KAZN: variants seen among roughly 807,000 people sequenced by gnomAD.
The protein encoded by KAZN is kazrin.
KAZN carries 40 observed loss-of-function variants against 87.4 expected under a neutral mutation model. The ratio of observed to expected loss-of-function variants is 0.46; its 90% CI spans 0.36 to 0.60. KAZN has a LOEUF of 0.60. Among genes scored for constraint, KAZN ranks in the 20% least tolerant of loss-of-function variants. KAZN has a pLI of 0.00. For synonymous variants in KAZN, 466 were observed against 458.3 expected (o/e 1.02, Z -0.22); for missense variants, 898 against 1,073.9 (o/e 0.84, Z 2.29).
At chr1:14,393,074 G>C (rs943381531) in intron 2 of KAZN, among the ~76,000 whole-genome samples, 6 of 152,178 alleles carry the variant, frequency 3.9e-5, no homozygotes, top group Admixed American at 3.9e-4. Context: ...GCTCATTTGT[G>C]CAAACTTGAA....
chr1:14,271,561 T>C (rs887815221), intron 2 of KAZN, among the ~76,000 whole-genome samples: 2 of 152,232 alleles, frequency 1.3e-5, no homozygotes, highest in Non-Finnish European at 2.9e-5. Flanking sequence ...GAAATATAAC[T>C]GTCATCTCTG....
At chr1:14,241,290 C>T (rs1648914692) in intron 2 of KAZN, among the ~76,000 whole-genome samples, 1 of 152,232 alleles carries the variant, frequency 6.6e-6, no homozygotes, top group Non-Finnish European at 1.5e-5. Context: ...TTCCCAGGCT[C>T]TGGCCTCCAC....
chr1:15,040,753 A>G (rs12130444), intron 3 of KAZN, among the ~76,000 whole-genome samples: 92,915 of 150,808 alleles, frequency 0.62, 30,070 homozygotes, highest in African/African-American at 0.83. Context: ...GTGACAGAGC[A>G]AGACTCCATC....
At chr1:15,027,095 T>C (rs1671245740) in intron 2 of KAZN, among the ~76,000 whole-genome samples, 1 of 130,510 alleles carries the variant, frequency 7.7e-6, no homozygotes, top group African/African-American at 3.0e-5. Flanking sequence ...TTTTTTTTTT[T>C]TTTTGAGACA....
At chr1:14,943,476 G>A (rs1263448484) in intron 1 of KAZN, among the ~76,000 whole-genome samples, 1 of 152,194 alleles carries the variant, frequency 6.6e-6, no homozygotes, top group African/African-American at 2.4e-5. Flanking sequence ...TTCCTGGCAA[G>A]GGCTGGTCTC....
intron 1 of KAZN, among the ~76,000 whole-genome samples, chr1:14,894,887 C>T (rs1168180235): frequency 6.6e-6 from 1 of 152,276 alleles, no homozygotes; most frequent in Admixed American, 6.5e-5. Context: ...CTCCTCCCTG[C>T]TCCAGGGAGG....
intron 1 of KAZN, among the ~76,000 whole-genome samples, chr1:14,685,860 G>A (rs1159612695): frequency 1.3e-5 from 2 of 152,206 alleles, no homozygotes; most frequent in Non-Finnish European, 2.9e-5. Flanking sequence ...TATGGCTTCT[G>A]TGTGTGTGCG....
intron 2 of KAZN, among the ~76,000 whole-genome samples, chr1:14,276,081 C>T (rs990555206): frequency 2.1e-4 from 32 of 152,222 alleles, no homozygotes; most frequent in African/African-American, 7.5e-4. Flanking sequence ...CTCCCAGCTG[C>T]TCTTGTCATT....
At chr1:14,979,314 C>T (rs141681792) in intron 2 of KAZN, among the ~76,000 whole-genome samples, 3,053 of 151,874 alleles carry the variant, frequency 0.02, 97 homozygotes, top group African/African-American at 0.07. Flanking sequence ...GAGGCTGAGG[C>T]AGAAGAATTG....
At chr1:14,128,208 A>C (rs539049518) in intron 1 of KAZN, among the ~76,000 whole-genome samples, 118 of 152,198 alleles carry the variant, frequency 7.8e-4, no homozygotes, top group African/African-American at 2.7e-3. Flanking sequence ...GTGGTACTGC[A>C]CCATCTTTGT....
At chr1:14,635,296 C>T (rs906282519) in intron 1 of KAZN, among the ~76,000 whole-genome samples, 2 of 152,232 alleles carry the variant, frequency 1.3e-5, no homozygotes, top group Admixed American at 1.3e-4. Flanking sequence ...GGGTAGGGAA[C>T]TGTCCTGTGC....
At chr1:14,416,499 G>A (rs1664771652) in intron 2 of KAZN, among the ~76,000 whole-genome samples, 1 of 152,134 alleles carries the variant, frequency 6.6e-6, no homozygotes, top group Non-Finnish European at 1.5e-5. Flanking sequence ...CACTTTGATA[G>A]GCCAAGGCAG....
intron 2 of KAZN, among the ~76,000 whole-genome samples, chr1:14,274,335 G>A (rs549785842): frequency 6.6e-6 from 1 of 152,224 alleles, no homozygotes; most frequent in East Asian, 1.9e-4. Context: ...GGCTTCTCTT[G>A]CTGAGTATAA....
Position 14,026,441 on chromosome 1 carries a change from G to A in KAZN, c.91+132685G>A, listed in dbSNP as rs534116213. On this transcript the variant is annotated intron_variant, in intron 1 of 16. Transcript: ENST00000636203. ...GTTCCAGATTCCATCTTAGCCCCAT[G>A]CATGAACAGCTAACTTATTTCACTA... 5.9e-5 allele frequency among the ~76,000 whole-genome samples: 9 copies of A among 152,302 alleles called. No homozygotes were observed. The East Asian group carries it at 1.7e-3, about 29-fold the overall frequency.
chr1:14,636,874 T>C (rs1165377631), intron 1 of KAZN, among the ~76,000 whole-genome samples: 1 of 152,128 alleles, frequency 6.6e-6, no homozygotes, highest in African/African-American at 2.4e-5. Context: ...AAAGAGGAAA[T>C]AACCAAAGTG....
intron 1 of KAZN, among the ~76,000 whole-genome samples, chr1:14,700,056 G>A (rs539927645): frequency 1.3e-5 from 2 of 152,276 alleles, no homozygotes; most frequent in African/African-American, 4.8e-5. Flanking sequence ...TCCATCACAA[G>A]CAAGGGGCAG....
At position 14,882,697 on chromosome 1, in the gene KAZN, G is replaced by C. The variant is rs186488775; in HGVS notation, c.227-77987G>C. Among the ~76,000 whole-genome samples, 6 of 152,300 alleles carry C rather than the reference G, an allele frequency of 3.9e-5. No homozygotes were observed. The East Asian group carries it at 7.7e-4, about 20-fold the overall frequency. ...TCTTCTCCCTGCACGTGGAGGGCTA[G>C]ACGGAATGCTTGCAAAACTAAAAGC... On this transcript the variant is annotated intron_variant, in intron 1 of 14. Coordinates refer to ENST00000376030, the MANE Select transcript of KAZN (RefSeq NM_201628.3).
chr1:14,468,278 A>G (rs1668270155), intron 2 of KAZN, among the ~76,000 whole-genome samples: 1 of 152,226 alleles, frequency 6.6e-6, no homozygotes, highest in South Asian at 2.1e-4. Flanking sequence ...GATACATGAA[A>G]CATGCTTGAA....
chr1:13,978,255 G>A (rs1264329259), intron 1 of KAZN, among the ~76,000 whole-genome samples: 2 of 151,658 alleles, frequency 1.3e-5, no homozygotes, highest in African/African-American at 4.8e-5. Flanking sequence ...CAAAGATTTT[G>A]GCAGTTAGCT....
Sources: allele counts gnomAD v4.1 joint callset (sites outside exome capture counted in the v4.1 genomes callset), GRCh38; gene constraint gnomAD v4.1.1; transcripts MANE v1.5; gene names NCBI Gene and HGNC (gene_info 2026-07-23, HGNC 2026-07-21).